EPB41L3: variants seen among roughly 807,000 people sequenced by gnomAD.
The protein encoded by EPB41L3 is erythrocyte membrane protein band 4.1 like 3, also known as band 4.1-like protein 3.
In EPB41L3, 57 loss-of-function variants were observed where a neutral mutation model predicts 127.1. The observed-to-expected ratio is 0.45, with a 90% CI of 0.36 to 0.56. EPB41L3 has a LOEUF of 0.56. Ranked by LOEUF, EPB41L3 falls within the 20% of genes least tolerant of loss-of-function variation. The pLI is 0.00. For synonymous variants in EPB41L3, 572 were observed against 549.5 expected (o/e 1.04, Z -0.57); for missense variants, 1,273 against 1,372.2 (o/e 0.93, Z 1.14).
At chr18:5,612,881 C>G (rs1487360247) in intron 2 of EPB41L3, among the ~76,000 whole-genome samples, 1 of 152,196 alleles carries the variant, frequency 6.6e-6, no homozygotes, top group Non-Finnish European at 1.5e-5. Flanking sequence ...GCTGGGACTA[C>G]AGGTGTGCAC....
intron 3 of EPB41L3, among the ~76,000 whole-genome samples, chr18:5,460,061 C>A (rs897630308): frequency 3.3e-5 from 5 of 152,174 alleles, no homozygotes; most frequent in Non-Finnish European, 7.3e-5. Flanking sequence ...TCCTCTCTCC[C>A]TCATTTTGGA....
intron 1 of EPB41L3, among the ~76,000 whole-genome samples, chr18:5,501,896 G>C (rs980864559): frequency 1.3e-5 from 2 of 152,196 alleles, no homozygotes; most frequent in African/African-American, 4.8e-5. Flanking sequence ...CAAGTTCTCT[G>C]AAGGTGCTGA....
chr18:5,628,596 G>T (rs1480459586), intron 1 of EPB41L3, among the ~76,000 whole-genome samples: 6 of 152,242 alleles, frequency 3.9e-5, no homozygotes, highest in Non-Finnish European at 8.8e-5. Flanking sequence ...CTCCCGGGAG[G>T]ATTTCGCCTC....
At chr18:5,481,137 A>AT (rs577984963) in intron 2 of EPB41L3, among the ~76,000 whole-genome samples, 53 of 152,304 alleles carry the variant, frequency 3.5e-4, no homozygotes, top group African/African-American at 1.3e-3. Flanking sequence ...CAGAGCAGCT[A>AT]TTTATAGAGT....
At chr18:5,600,240 G>T (rs1181274076) in intron 3 of EPB41L3, among the ~76,000 whole-genome samples, 1 of 152,152 alleles carries the variant, frequency 6.6e-6, no homozygotes, top group Non-Finnish European at 1.5e-5. Flanking sequence ...TCTCATTTAA[G>T]ATTCTTCTCT....
chr18:5,434,157 G>A (rs1423784325), intron 6 of EPB41L3, 36 bp from the exon 7 acceptor site: 6 of 1,565,458 alleles, frequency 3.8e-6, no homozygotes, highest in Non-Finnish European at 5.3e-6. Flanking sequence ...AACGAAGGCA[G>A]CATGAGGATA....
chr18:5,470,569 G>T (rs1187915627), intron 3 of EPB41L3, among the ~76,000 whole-genome samples: 2 of 152,204 alleles, frequency 1.3e-5, no homozygotes, highest in African/African-American at 4.8e-5. Context: ...AAAATGCAAA[G>T]ATTTTAATGA....
At position 5,410,217 on chromosome 18, in the gene EPB41L3, TA is replaced by T. The variant is rs113223592; in HGVS notation, c.2121+348del. ...TCTCATTTGAGATAGAATTTTTTTC[TA>T]AAAAAAAAAAAAATGTATTATCAGT... is the stretch of plus-strand genomic sequence containing the variant. On this transcript the variant is annotated intron_variant, in intron 14 of 22. Coordinates refer to ENST00000341928, the MANE Select transcript of EPB41L3 (RefSeq NM_012307.5). 2.8e-3 allele frequency among the ~76,000 whole-genome samples: 405 copies of T among 142,684 alleles called. 1 individual carries two copies. Among genetic ancestry groups the T allele is most frequent in the East Asian group, 3.6e-3 (18 of 4,948 alleles). 93.6% of individuals were successfully genotyped at this position (142,684 alleles called of 152,430 possible).
At chr18:5,599,762 C>G (rs528241420) in intron 3 of EPB41L3, among the ~76,000 whole-genome samples, 2 of 152,260 alleles carry the variant, frequency 1.3e-5, no homozygotes, top group Non-Finnish European at 2.9e-5. Context: ...AGCCACTATG[C>G]TTCCTGTACA....
intron 3 of EPB41L3, among the ~76,000 whole-genome samples, chr18:5,467,888 AGGTGGGAGC>A (rs1356938214): frequency 6.6e-6 from 1 of 152,176 alleles, no homozygotes; most frequent in Non-Finnish European, 1.5e-5. Flanking sequence ...AGCCAGGAAC[AGGTGGGAGC>A]CTCACCTTCC....
At position 5,430,149 on chromosome 18, in the gene EPB41L3, C is replaced by T. The variant is rs559556023; in HGVS notation, c.913-1684G>A. On this transcript the variant is annotated intron_variant, in intron 8 of 22. Coordinates refer to ENST00000341928, the MANE Select transcript of EPB41L3 (RefSeq NM_012307.5). ...TTGAATTTTAAGAAAACAGTAGCTC[C>T]CTTCATGAGGAAGATGAAGAAGGCT... is the stretch of plus-strand genomic sequence containing the variant. 3.9e-5 allele frequency among the ~76,000 whole-genome samples: 6 copies of T among 152,290 alleles called. No homozygotes were observed. The South Asian group carries it at 6.2e-4, about 16-fold the overall frequency.
At chr18:5,507,550 C>T (rs987103635) in intron 1 of EPB41L3, among the ~76,000 whole-genome samples, 1 of 152,136 alleles carries the variant, frequency 6.6e-6, no homozygotes, top group East Asian at 1.9e-4. Context: ...TACGTAAACT[C>T]TCTAAAAATC....
At chr18:5,569,241 G>A (rs2011510486) in intron 3 of EPB41L3, among the ~76,000 whole-genome samples, 1 of 152,144 alleles carries the variant, frequency 6.6e-6, no homozygotes, top group African/African-American at 2.4e-5. Flanking sequence ...TTAAAGAGGT[G>A]GTCAGCTGGC....
At chr18:5,458,161 C>T (rs1380700150) in intron 3 of EPB41L3, among the ~76,000 whole-genome samples, 1 of 152,146 alleles carries the variant, frequency 6.6e-6, no homozygotes, top group African/African-American at 2.4e-5. Context: ...TATTTCTCTA[C>T]CATGCAGGTA....
intron 2 of EPB41L3, chr18:5,479,508 T>C (rs542514114): frequency 5.8e-4 from 88 of 152,312 alleles, no homozygotes; most frequent in African/African-American, 2.0e-3. Flanking sequence ...ACAAAGATAT[T>C]TGGGTATATT....
intron 3 of EPB41L3, among the ~76,000 whole-genome samples, chr18:5,476,176 C>T (rs1309132897): frequency 3.9e-5 from 6 of 152,130 alleles, no homozygotes; most frequent in African/African-American, 1.4e-4. Context: ...GTCCAAATTT[C>T]TCCATCTTCT....
At chr18:5,490,820 T>A (rs946131819) in intron 1 of EPB41L3, among the ~76,000 whole-genome samples, 1 of 152,158 alleles carries the variant, frequency 6.6e-6, no homozygotes, top group African/African-American at 2.4e-5. Flanking sequence ...CTGATCAAAC[T>A]CCATCTTTTG....
In EPB41L3 at chr18:5,472,157, G is replaced by A. The variant is rs1448070990; in HGVS notation, c.381+6084C>T. 2.0e-5 allele frequency among the ~76,000 whole-genome samples: 3 copies of A among 152,044 alleles called. No homozygotes were observed. In the South Asian group the frequency reaches 6.2e-4, roughly 32 times the overall value. On this transcript the variant is annotated intron_variant, in intron 3 of 22. Coordinates refer to ENST00000341928, the MANE Select transcript of EPB41L3 (RefSeq NM_012307.5). Reference sequence around the variant, plus strand: ...TTTTAAAAATGAAAACCAGGAAAATGGATTTAACAGTTTTAGTAAACAGTC... The same window carrying A: ...TTTTAAAAATGAAAACCAGGAAAATAGATTTAACAGTTTTAGTAAACAGTC...
At chr18:5,592,465 A>C (rs2094495002) in intron 3 of EPB41L3, among the ~76,000 whole-genome samples, 1 of 152,208 alleles carries the variant, frequency 6.6e-6, no homozygotes, top group African/African-American at 2.4e-5. Flanking sequence ...GCAAAATAAA[A>C]GTCAGATAAA....
Sources: gnomAD v4.1 joint callset for allele counts (sites outside exome capture counted in the v4.1 genomes callset) on GRCh38, gnomAD v4.1.1 for gene constraint, MANE v1.5 for transcripts, NCBI Gene and HGNC (gene_info 2026-07-23, HGNC 2026-07-21) for gene names.